The following SPECC1L variants were observed in gnomAD, a reference collection of about 807,000 sequenced individuals.
SPECC1L encodes cytospin-A.
SPECC1L carries 40 observed loss-of-function variants against 116.8 expected under a neutral mutation model. That is an observed-to-expected ratio of 0.34 (90% CI 0.27 to 0.45). SPECC1L has a LOEUF of 0.45. Ranked by LOEUF, SPECC1L falls within the 20% of genes least tolerant of loss-of-function variation. The probability of loss-of-function intolerance (pLI) is 1.00; values close to 1 mark genes in which losing one functional copy is unlikely to be tolerated. For synonymous variants in SPECC1L, 504 were observed against 500.6 expected, an observed-to-expected ratio of 1.01 and a Z score of -0.09; for missense variants, 1,110 against 1,373.6, an observed-to-expected ratio of 0.81 and a Z score of 3.03.
chr22:24,334,501 A>G lies in SPECC1L; in HGVS notation c.2488A>G (p.Arg830Gly), dbSNP rs1338603455. ...AAGGCAGGGAATGGGACTGAGTAGA[A>G]GGTCCTCGACTTCCTCAGAGCCAAC... The part of the protein sequence containing the change: ...ALRQGMGLSR[R>G]SSTSSEPTPT... Residue 830 changes from arginine (R) to glycine (G), a missense_variant, in exon 9 of 17, where the codon AGG becomes GGG. Arg to Gly is a moderately radical substitution (Grantham distance 125). Coordinates refer to ENST00000314328, the MANE Select transcript of SPECC1L (RefSeq NM_015330.6). 1 of 1,614,196 alleles carries G rather than the reference A, an allele frequency of 6.2e-7. No homozygotes were observed.
At chr22:24,341,957 C>T (rs2041185576) in intron 10 of SPECC1L, among the ~76,000 whole-genome samples, 1 of 152,194 alleles carries the variant, frequency 6.6e-6, no homozygotes, top group South Asian at 2.1e-4. Context: ...TGCAGCCCTG[C>T]TGACAACCTG....
chr22:24,389,550 A>T, intron 14 of SPECC1L, among the ~76,000 whole-genome samples: 1 of 148,696 alleles, frequency 6.7e-6, no homozygotes, highest in South Asian at 2.1e-4. Flanking sequence ...GGATCTATCT[A>T]CCTCTTTGCT....
intron 14 of SPECC1L, among the ~76,000 whole-genome samples, chr22:24,403,005 G>A (rs1426190743): frequency 6.6e-6 from 1 of 152,188 alleles, no homozygotes; most frequent in Non-Finnish European, 1.5e-5. Flanking sequence ...TGGTCAAGAA[G>A]CAGTGAGTGG....
chr22:24,410,949 G>T lies in SPECC1L; in HGVS notation c.3088-639G>T, dbSNP rs192825031. 2.6e-3 allele frequency among the ~76,000 whole-genome samples: 402 copies of T among 152,254 alleles called. 1 individual carries two copies. Among genetic ancestry groups the T allele is most frequent in the Middle Eastern group, 0.01 (3 of 294 alleles). ...CACACCTATAATCCCAGCACTTCGGGAGGCCAAGGCGGGTGGATCACAAGG... is the reference window on the plus strand; with the variant it reads ...CACACCTATAATCCCAGCACTTCGGTAGGCCAAGGCGGGTGGATCACAAGG... On this transcript the variant is annotated intron_variant, in intron 14 of 16. Coordinates refer to ENST00000314328, the MANE Select transcript of SPECC1L (RefSeq NM_015330.6).
chr22:24,414,022 C>T (rs1009790777), intron 16 of SPECC1L, among the ~76,000 whole-genome samples: 1 of 152,186 alleles, frequency 6.6e-6, no homozygotes, highest in Admixed American at 6.5e-5. Flanking sequence ...TTTCCTAGAA[C>T]ATCAGTTCAC....
intron 14 of SPECC1L, among the ~76,000 whole-genome samples, chr22:24,383,792 A>ATTCTTTTTTTTTTT (rs2042106053): frequency 1.3e-5 from 1 of 77,338 alleles, no homozygotes; most frequent in Non-Finnish European, 2.3e-5. Flanking sequence ...ACCCACCACT[A>ATTCTTTTTTTTTTT]TTTTTTTTTT....
At position 24,369,203 on chromosome 22, in the gene SPECC1L, G is replaced by T; in HGVS notation, c.2985-15G>T. The T allele has an allele frequency of 6.3e-7, 1 of 1,591,766 alleles. No homozygotes were observed. Among genetic ancestry groups the T allele is most frequent in the Non-Finnish European group, 8.6e-7 (1 of 1,159,718 alleles). ...CAAACAAAAAATATTTCAACTTTGG[G>T]TTACTTGTTTTCAGAGAAGAAAGGA... On this transcript the variant is annotated splice_polypyrimidine_tract_variant and intron_variant, in intron 13 of 16. Transcript: ENST00000314328.
At chr22:24,338,528 T>A in intron 10 of SPECC1L, 51 bp downstream of exon 10, 1 of 1,538,104 alleles carries the variant, frequency 6.5e-7, no homozygotes, top group Non-Finnish European at 9.0e-7. Context: ...ATCTGAAAGT[T>A]GAGGCCTTTT....
chr22:24,369,210 G>C lies in SPECC1L; in HGVS notation c.2985-8G>C, dbSNP rs374274129. On this transcript the variant is annotated splice_polypyrimidine_tract_variant and splice_region_variant and intron_variant, in intron 13 of 16. Coordinates refer to ENST00000314328, the MANE Select transcript of SPECC1L (RefSeq NM_015330.6). ...AAAATATTTCAACTTTGGGTTACTT[G>C]TTTTCAGAGAAGAAAGGAAAGACCC... 1.2e-5 allele frequency: 20 copies of C among 1,605,798 alleles called. No individual in the cohort carries two copies. The African/African-American group carries it at 2.4e-4, about 19-fold the overall frequency.
chr22:24,322,972 A>G, intron 5 of SPECC1L, 54 bp downstream of exon 5: 1 of 1,606,044 alleles, frequency 6.2e-7, no homozygotes, highest in Non-Finnish European at 8.5e-7. Flanking sequence ...GCTGCCATGC[A>G]CAGTGTTTAC....
chr22:24,363,472 T>C, intron 12 of SPECC1L, 128 bp downstream of exon 12: 1 of 821,712 alleles, frequency 1.2e-6, no homozygotes, highest in Admixed American at 2.0e-5. Flanking sequence ...AGCTGTCCTC[T>C]CACCTTGGCC....
chr22:24,341,769 C>T (rs2041181013), intron 10 of SPECC1L, among the ~76,000 whole-genome samples: 1 of 152,198 alleles, frequency 6.6e-6, no homozygotes, highest in Non-Finnish European at 1.5e-5. Context: ...TTTGCTTCTG[C>T]CTTGAATGTT....
At chr22:24,331,474 T>G (rs1176062506) in intron 8 of SPECC1L, among the ~76,000 whole-genome samples, 1 of 152,254 alleles carries the variant, frequency 6.6e-6, no homozygotes, top group Non-Finnish European at 1.5e-5. Context: ...TCAGAAATGC[T>G]TCATTCTATA....
chr22:24,365,425 C>T (rs370234560), intron 12 of SPECC1L, 51 bp from the exon 13 acceptor site: 61 of 1,576,678 alleles, frequency 3.9e-5, no homozygotes, highest in Non-Finnish European at 4.7e-5. Context: ...ATCTCAAGAA[C>T]TCAGTCTAAA....
chr22:24,398,874 C>T (rs1048854421), intron 14 of SPECC1L, among the ~76,000 whole-genome samples: 4 of 152,226 alleles, frequency 2.6e-5, no homozygotes, highest in African/African-American at 9.7e-5. Flanking sequence ...CAGTCCCTTC[C>T]TCAGAGCATG....
At chr22:24,390,402 A>G (rs984774287) in intron 14 of SPECC1L, among the ~76,000 whole-genome samples, 17 of 152,190 alleles carry the variant, frequency 1.1e-4, no homozygotes, top group Non-Finnish European at 4.4e-5. Context: ...TTCCTCTTCT[A>G]TAACTGGAAT....
chr22:24,390,872 C>CTTTTTTTTTTTTTTTTTTTTTTTT lies in SPECC1L; in HGVS notation c.3088-20713_3088-20690dup, dbSNP rs1016008966. Among the ~76,000 whole-genome samples, 9 of 57,114 alleles carry CTTTTTTTTTTTTTTTTTTTTTTTT rather than the reference C, an allele frequency of 1.6e-4. 2 individuals are homozygous for CTTTTTTTTTTTTTTTTTTTTTTTT. The highest frequency in any genetic ancestry group is 1.3e-3 in the Admixed American group (5 of 3,944). The allele number at this position is 57,114 out of a possible 152,430, so 37.5% of individuals were successfully genotyped here. A position where few individuals can be genotyped will look rare whatever the true frequency, so the allele number is the denominator to read the frequency against. ...TGTTCCTTTTTTTTTTTTTTCTTTT[C>CTTTTTTTTTTTTTTTTTTTTTTTT]TTTTTTTTTTTTTTTTTTTTTTTTT... On this transcript the variant is annotated intron_variant, in intron 14 of 16. Transcript: ENST00000314328.
intron 10 of SPECC1L, among the ~76,000 whole-genome samples, chr22:24,345,738 A>G (rs2041278640): frequency 1.3e-5 from 2 of 152,232 alleles, no homozygotes; most frequent in African/African-American, 2.4e-5. Flanking sequence ...CAAATGGCCA[A>G]AATCTAAAAG....
rs570668683 is a variant in SPECC1L at position 24,313,919 on chromosome 22, A to G, written c.307+453A>G. 5.9e-5 allele frequency among the ~76,000 whole-genome samples: 9 copies of G among 151,782 alleles called. No homozygotes were observed. In the East Asian group the frequency reaches 9.7e-4, roughly 16 times the overall value. On this transcript the variant is annotated intron_variant, in intron 4 of 16. Transcript: ENST00000314328. ...ATGCCTGGCTAATTTTTGTATTTTT[A>G]GTAGAGATGGGGTTTCACCATGTTG...
Sources: allele counts gnomAD v4.1 joint callset (sites outside exome capture counted in the v4.1 genomes callset), GRCh38; gene constraint gnomAD v4.1.1; transcripts MANE v1.5; gene names NCBI Gene and HGNC (gene_info 2026-07-23, HGNC 2026-07-21).